Variants in OSBPL1A observed in about 807,000 individuals in gnomAD.
The protein encoded by OSBPL1A is oxysterol-binding protein-related protein 1.
Under a neutral mutation model 137.1 loss-of-function variants are expected in OSBPL1A, and 80 were observed. The ratio of observed to expected loss-of-function variants is 0.58; its 90% CI spans 0.49 to 0.70. OSBPL1A has a LOEUF of 0.70. Among genes scored for constraint, OSBPL1A ranks in the 30% least tolerant of loss-of-function variants. OSBPL1A has a pLI of 0.00. For missense variants in OSBPL1A, 970 were observed against 1,129.4 expected (o/e 0.86, Z 2.02); for synonymous variants, 365 against 389.7 (o/e 0.94, Z 0.75).
At chr18:24,296,043 T>C (rs959614801) in intron 14 of OSBPL1A, among the ~76,000 whole-genome samples, 2 of 152,124 alleles carry the variant, frequency 1.3e-5, no homozygotes, top group African/African-American at 4.8e-5. Context: ...CTGTGAAAAA[T>C]TGTGATGGTA....
chr18:24,311,319 A>G (rs1362456927), intron 13 of OSBPL1A: 1 of 276,552 alleles, frequency 3.6e-6, no homozygotes. Context: ...GTAATTATTC[A>G]GACTGAAACT....
chr18:24,292,733 C>A (rs2146088802), intron 14 of OSBPL1A, among the ~76,000 whole-genome samples: 1 of 152,210 alleles, frequency 6.6e-6, no homozygotes, highest in Non-Finnish European at 1.5e-5. Context: ...AGAGGGGTAA[C>A]AAGTGCTGAG....
At chr18:24,220,434 T>C (rs887896510) in intron 17 of OSBPL1A, among the ~76,000 whole-genome samples, 1 of 152,192 alleles carries the variant, frequency 6.6e-6, no homozygotes, top group East Asian at 1.9e-4. Flanking sequence ...AACCCTCTAC[T>C]TTCCAGGACA....
intron 17 of OSBPL1A, among the ~76,000 whole-genome samples, chr18:24,200,304 C>T (rs1020093977): frequency 8.5e-5 from 13 of 152,242 alleles, no homozygotes; most frequent in African/African-American, 3.1e-4. Flanking sequence ...TGGCTCACGC[C>T]TGTAATCCCA....
At chr18:24,313,929 T>C (rs1463213505) in intron 12 of OSBPL1A, among the ~76,000 whole-genome samples, 2 of 149,312 alleles carry the variant, frequency 1.3e-5, no homozygotes, top group Admixed American at 1.3e-4. Flanking sequence ...TGGTGAAACC[T>C]TGTCTCTGCT....
intron 1 of OSBPL1A, among the ~76,000 whole-genome samples, chr18:24,388,661 G>A (rs1332865713): frequency 5.9e-5 from 9 of 151,818 alleles, no homozygotes; most frequent in East Asian, 5.8e-4. Context: ...TTAGCCAGGC[G>A]TGGTGATGGG....
rs1599596886 is a variant in OSBPL1A at position 24,271,793 on chromosome 18, C to A, written c.1281+9049G>T. On this transcript the variant is annotated intron_variant, in intron 15 of 27. Coordinates refer to ENST00000319481, the MANE Select transcript of OSBPL1A (RefSeq NM_080597.4). This position sits in a 1 kb window ranked among gnomAD's most constrained non-coding sequence, Gnocchi z 4.0. ...GCAAGGTCTCCCTAAGTCACCTTTGCGCAGCCTGCCCCTGGCTCCGGCCGG... is the reference window on the plus strand; with the variant it reads ...GCAAGGTCTCCCTAAGTCACCTTTGAGCAGCCTGCCCCTGGCTCCGGCCGG... 2 of 985,428 alleles carry A rather than the reference C, an allele frequency of 2.0e-6. No individual in the cohort carries two copies. Among genetic ancestry groups the A allele is most frequent in the African/African-American group, 3.5e-5 (2 of 57,362 alleles). 61.0% of individuals were successfully genotyped at this position (985,428 alleles called of 1,614,324 possible). A position where few individuals can be genotyped will look rare whatever the true frequency, so the allele number is the denominator to read the frequency against.
intron 15 of OSBPL1A, among the ~76,000 whole-genome samples, chr18:24,246,346 T>G (rs2088886195): frequency 6.6e-6 from 1 of 152,096 alleles, no homozygotes; most frequent in Admixed American, 6.5e-5. Flanking sequence ...GCACAGGGCT[T>G]GCAAACCACA....
At chr18:24,378,337 A>G (rs1384975897) in intron 1 of OSBPL1A, among the ~76,000 whole-genome samples, 1 of 152,244 alleles carries the variant, frequency 6.6e-6, no homozygotes, top group Admixed American at 6.5e-5. Flanking sequence ...GACTGCTAAA[A>G]TGAATATAAA....
chr18:24,395,069 A>G (rs1194355390), intron 1 of OSBPL1A, among the ~76,000 whole-genome samples: 1 of 152,172 alleles, frequency 6.6e-6, no homozygotes, highest in African/African-American at 2.4e-5. Flanking sequence ...ATATACATAC[A>G]CTATACAGAT....
In OSBPL1A at chr18:24,314,270, A is replaced by G; in HGVS notation, c.948T>C (p.Asn316=). ...DTIHGFRVPK[N]SLQQSREDWL... The stretch of plus-strand genomic sequence containing the variant: ...TTACCTCTCTTGACTGCTGAAGGCT[A>G]TTCTTAGGAACCCGGAAGCCATGAA... Residue 316 remains asparagine (N), a synonymous_variant, in exon 12 of 28, where the codon AAT becomes AAC. Coordinates refer to ENST00000319481, the MANE Select transcript of OSBPL1A (RefSeq NM_080597.4). 2 of 1,608,884 alleles carry G rather than the reference A, an allele frequency of 1.2e-6. No homozygotes were observed. The highest frequency in any genetic ancestry group is 1.7e-6 in the Non-Finnish European group (2 of 1,177,918).
At chr18:24,383,526 C>T (rs1214056012) in intron 1 of OSBPL1A, among the ~76,000 whole-genome samples, 2 of 152,162 alleles carry the variant, frequency 1.3e-5, no homozygotes, top group African/African-American at 4.8e-5. Context: ...GGGAGGTCAA[C>T]ACAGGCGGAT....
chr18:24,170,189 A>C, intron 24 of OSBPL1A, 138 bp downstream of exon 24: 1 of 1,025,398 alleles, frequency 9.8e-7, no homozygotes, highest in East Asian at 2.4e-5. Context: ...CTGATCATTA[A>C]AAAGAGAAAA....
At chr18:24,233,285 C>G (rs956174763) in intron 16 of OSBPL1A, among the ~76,000 whole-genome samples, 1 of 152,132 alleles carries the variant, frequency 6.6e-6, no homozygotes. Context: ...TTCATCTGCC[C>G]CCTCCCTGGT....
intron 14 of OSBPL1A, among the ~76,000 whole-genome samples, chr18:24,295,784 G>A (rs1001487590): frequency 6.6e-6 from 1 of 151,382 alleles, no homozygotes; most frequent in Non-Finnish European, 1.5e-5. Context: ...TGTATGCTTT[G>A]TCAAAGATCA....
At chr18:24,391,380 G>C (rs1379618095) in intron 1 of OSBPL1A, among the ~76,000 whole-genome samples, 1 of 152,058 alleles carries the variant, frequency 6.6e-6, no homozygotes, top group Non-Finnish European at 1.5e-5. Flanking sequence ...GGTGATAGCT[G>C]TACTACAATG....
chr18:24,271,969 G>A lies in OSBPL1A; in HGVS notation c.1281+8873C>T, dbSNP rs1292833352. 9 of 981,988 alleles carry A rather than the reference G, an allele frequency of 9.2e-6. No individual in the cohort carries two copies. The highest frequency in any genetic ancestry group is 1.1e-5 in the Non-Finnish European group (9 of 828,840). 60.8% of individuals were successfully genotyped at this position (981,988 alleles called of 1,614,324 possible). The stretch of plus-strand genomic sequence containing the variant: ...GCCGCAGACCCGCCCTCCGGGGCTC[G>A]CGGGGAGAGCGCGGGCGGGCGGCGG... On this transcript the variant is annotated intron_variant, in intron 15 of 27. Coordinates refer to ENST00000319481, the MANE Select transcript of OSBPL1A (RefSeq NM_080597.4). The surrounding 1 kb of genome is among the most constrained non-coding windows in gnomAD (Gnocchi z 4.0).
intron 15 of OSBPL1A, among the ~76,000 whole-genome samples, chr18:24,278,548 A>G (rs1041774798): frequency 6.6e-6 from 1 of 152,204 alleles, no homozygotes; most frequent in African/African-American, 2.4e-5. Context: ...GCACATCTAA[A>G]TAACCTAAAG....
At chr18:24,293,104 C>CAAAAAAAAAAAAAAAAAAAAAAAAAAA (rs1172730345) in intron 14 of OSBPL1A, among the ~76,000 whole-genome samples, 1 of 66,388 alleles carries the variant, frequency 1.5e-5, no homozygotes, top group Non-Finnish European at 2.7e-5. Context: ...ACTCCCGTCT[C>CAAAAAAAAAAAAAAAAAAAAAAAAAAA]AAAAAAAAAA....
Sources: gnomAD v4.1 joint callset for allele counts (sites outside exome capture counted in the v4.1 genomes callset) on GRCh38, gnomAD v4.1.1 for gene constraint, Gnocchi (gnomAD v3.1) non-coding constraint, MANE v1.5 for transcripts, NCBI Gene and HGNC (gene_info 2026-07-23, HGNC 2026-07-21) for gene names.